Variants in TRABD2B observed in about 807,000 individuals in gnomAD.
TRABD2B encodes the protein metalloprotease TIKI2.
In TRABD2B, 14 loss-of-function variants were observed where a neutral mutation model predicts 40.1. That is an observed-to-expected ratio of 0.35 (90% CI 0.23 to 0.55). TRABD2B has a LOEUF of 0.55. TRABD2B is among the 20% of genes least tolerant of loss of function. The probability of loss-of-function intolerance (pLI) is 0.90; values close to 1 mark genes in which losing one functional copy is unlikely to be tolerated. For missense variants in TRABD2B, 541 were observed against 648.6 expected, an observed-to-expected ratio of 0.83 and a Z score of 1.80; for synonymous variants, 263 against 277.0, an observed-to-expected ratio of 0.95 and a Z score of 0.50.
intron 2 of TRABD2B, among the ~76,000 whole-genome samples, chr1:47,925,867 G>A (rs977809394): frequency 6.6e-5 from 10 of 152,210 alleles, no homozygotes; most frequent in African/African-American, 2.4e-4. Context: ...TGGTGCAGGA[G>A]GAGAGGGATT....
At chr1:47,872,280 C>T (rs1442781454) in intron 2 of TRABD2B, among the ~76,000 whole-genome samples, 26 of 152,204 alleles carry the variant, frequency 1.7e-4, no homozygotes, top group Admixed American at 1.7e-3. Context: ...TGGGTCATGG[C>T]TCAGGCTTGC....
intron 2 of TRABD2B, among the ~76,000 whole-genome samples, chr1:47,863,771 T>C (rs910412397): frequency 6.6e-6 from 1 of 152,180 alleles, no homozygotes; most frequent in Admixed American, 6.5e-5. Flanking sequence ...TTTGAAAACT[T>C]ATGTCCATAC....
chr1:47,978,486 A>G (rs1435558677), intron 2 of TRABD2B, among the ~76,000 whole-genome samples: 1 of 152,234 alleles, frequency 6.6e-6, no homozygotes, highest in Non-Finnish European at 1.5e-5. Context: ...ACCGGAAACA[A>G]GGCAACCCAG....
chr1:47,952,089 C>G (rs1056245673), intron 2 of TRABD2B, among the ~76,000 whole-genome samples: 26 of 152,328 alleles, frequency 1.7e-4, no homozygotes, highest in African/African-American at 6.0e-4. Context: ...CTCCCTGGCA[C>G]TCACTGCAGT....
At position 47,899,781 on chromosome 1, in the gene TRABD2B, G is replaced by A. The variant is rs115936907; in HGVS notation, c.666+94253C>T. ...GAGCCCTGGTTGTGGTGGACAGGGCGATGCAGCCCCCAGGTCCCATGTTAA... is the reference window on the plus strand; with the variant it reads ...GAGCCCTGGTTGTGGTGGACAGGGCAATGCAGCCCCCAGGTCCCATGTTAA... On this transcript the variant is annotated intron_variant, in intron 2 of 6. Coordinates refer to ENST00000606738, the MANE Select transcript of TRABD2B (RefSeq NM_001194986.2). Among the ~76,000 whole-genome samples the A allele has an allele frequency of 7.6e-3, 1,162 of 152,256 alleles. 26 individuals carry two copies. Among genetic ancestry groups the A allele is most frequent in the African/African-American group, 0.027 (1,124 of 41,540 alleles).
intron 2 of TRABD2B, among the ~76,000 whole-genome samples, chr1:47,923,913 C>T (rs1644935979): frequency 1.8e-5 from 1 of 56,094 alleles, no homozygotes; most frequent in African/African-American, 6.6e-5. Context: ...CACATACACA[C>T]ATACACACAC....
intron 2 of TRABD2B, among the ~76,000 whole-genome samples, chr1:47,887,579 G>A (rs1342066486): frequency 1.3e-5 from 2 of 148,828 alleles, no homozygotes; most frequent in Non-Finnish European, 3.0e-5. Flanking sequence ...TGGGGTGGGG[G>A]CCGGCGGGGG....
chr1:47,873,449 A>C (rs1047396335), intron 2 of TRABD2B, among the ~76,000 whole-genome samples: 3 of 152,168 alleles, frequency 2.0e-5, no homozygotes, highest in African/African-American at 4.8e-5. Context: ...CACTGTCTAA[A>C]GAGCTCCAAA....
chr1:47,910,519 A>G (rs528105822), intron 2 of TRABD2B, among the ~76,000 whole-genome samples: 2 of 152,182 alleles, frequency 1.3e-5, no homozygotes, highest in Non-Finnish European at 2.9e-5. Context: ...CTTGTCACTC[A>G]GAGAGTGGGA....
At chr1:47,777,897 T>C (rs1644469662) in intron 5 of TRABD2B, among the ~76,000 whole-genome samples, 1 of 151,564 alleles carries the variant, frequency 6.6e-6, no homozygotes, top group African/African-American at 2.4e-5. Flanking sequence ...ACTGTGGGGG[T>C]GGGGGTTGGA....
intron 2 of TRABD2B, among the ~76,000 whole-genome samples, chr1:47,987,197 G>C (rs1645931612): frequency 6.6e-6 from 1 of 152,142 alleles, no homozygotes; most frequent in African/African-American, 2.4e-5. Context: ...TGGAGAGCGG[G>C]TTGGGGGAAG....
At chr1:47,868,014 G>A (rs1249677615) in intron 2 of TRABD2B, among the ~76,000 whole-genome samples, 2 of 152,160 alleles carry the variant, frequency 1.3e-5, no homozygotes, top group African/African-American at 4.8e-5. Flanking sequence ...AAAGGGGTAG[G>A]AGGTGAACCT....
At chr1:47,870,054 T>A (rs1314475603) in intron 2 of TRABD2B, among the ~76,000 whole-genome samples, 1 of 152,176 alleles carries the variant, frequency 6.6e-6, no homozygotes, top group Non-Finnish European at 1.5e-5. Context: ...TTTCTTACCT[T>A]GAATAATGAT....
chr1:47,801,733 T>C, intron 2 of TRABD2B, 114 bp from the exon 3 acceptor site: 1 of 1,297,024 alleles, frequency 7.7e-7, no homozygotes, highest in Non-Finnish European at 1.0e-6. Context: ...ACAGAGAAGG[T>C]GTGTGGGGCT....
At chr1:47,968,322 T>C (rs763106576) in intron 2 of TRABD2B, among the ~76,000 whole-genome samples, 1 of 152,214 alleles carries the variant, frequency 6.6e-6, no homozygotes, top group African/African-American at 2.4e-5. Context: ...GAAGGTAAAC[T>C]GCAGGCTGCT....
At chr1:47,921,087 C>A (rs1428480061) in intron 2 of TRABD2B, among the ~76,000 whole-genome samples, 1 of 152,248 alleles carries the variant, frequency 6.6e-6, no homozygotes, top group Non-Finnish European at 1.5e-5. Flanking sequence ...GACACACACT[C>A]ACTAAATGTT....
intron 2 of TRABD2B, among the ~76,000 whole-genome samples, chr1:47,821,351 G>A (rs934991367): frequency 6.6e-6 from 1 of 152,204 alleles, no homozygotes; most frequent in Non-Finnish European, 1.5e-5. Flanking sequence ...CCCTCTGAGT[G>A]TTCCATGTTC....
At chr1:47,919,095 A>G (rs1464049023) in intron 2 of TRABD2B, among the ~76,000 whole-genome samples, 1 of 152,216 alleles carries the variant, frequency 6.6e-6, no homozygotes, top group East Asian at 1.9e-4. Flanking sequence ...TGTTGTGGTC[A>G]TCTGCTTTAT....
Position 47,764,012 on chromosome 1 carries a change from A to C in TRABD2B, c.*1890T>G, listed in dbSNP as rs79896058. On this transcript the variant is annotated 3_prime_UTR_variant, in exon 7 of 7. Transcript: ENST00000606738. ...CAGTCTCCTGCCAGGTCTCAAGCTC[A>C]AACACGTCCATCAGGGCTGAGCTGT... 1 of 152,396 alleles carries C rather than the reference A, an allele frequency of 6.6e-6. No homozygotes were observed. Among genetic ancestry groups the C allele is most frequent in the African/African-American group, 2.4e-5 (1 of 41,588 alleles). The allele number at this position is 152,396 out of a possible 1,614,324, so 9.4% of individuals were successfully genotyped here.
Sources: allele counts gnomAD v4.1 joint callset (sites outside exome capture counted in the v4.1 genomes callset), GRCh38; gene constraint gnomAD v4.1.1; transcripts MANE v1.5; gene names NCBI Gene and HGNC (gene_info 2026-07-23, HGNC 2026-07-21).